The following HRH2 variants were observed in gnomAD, a reference collection of about 807,000 sequenced individuals.
The protein encoded by HRH2 is histamine receptor H2, also known as histamine H2 receptor.
Under a neutral mutation model 20.1 loss-of-function variants are expected in HRH2, and 4 were observed. That is an observed-to-expected ratio of 0.20 (90% confidence interval 0.10 to 0.45). The LOEUF (loss-of-function observed/expected upper bound fraction) is 0.45. HRH2 is among the 20% of genes least tolerant of loss of function. The pLI, the probability that HRH2 is intolerant of heterozygous loss-of-function variation, is 0.99. For missense variants in HRH2, 250 were observed against 461.6 expected (o/e 0.54, Z 4.20); for synonymous variants, 197 against 200.7 (o/e 0.98, Z 0.16).
In HRH2 at chr5:175,708,576, C is replaced by G. The variant is rs898117480; in HGVS notation, c.*605C>G. The stretch of plus-strand genomic sequence containing the variant: ...GGCTCAGAGAAGTAAGGGACCTGCC[C>G]AAGGCCACTCAGCACCTAGAAAGTG... On this transcript the variant is annotated 3_prime_UTR_variant, in exon 3 of 3. Transcript: ENST00000636584. The G allele has an allele frequency of 6.6e-6, 1 of 152,352 alleles. No homozygotes were observed. The highest frequency in any genetic ancestry group is 1.5e-5 in the Non-Finnish European group (1 of 68,210). 9.4% of individuals were successfully genotyped at this position (152,352 alleles called of 1,614,324 possible). A position where few individuals can be genotyped will look rare whatever the true frequency, so the allele number is the denominator to read the frequency against.
chr5:175,684,836 G>A (rs1756113435), intron 2 of HRH2, among the ~76,000 whole-genome samples: 1 of 152,162 alleles, frequency 6.6e-6, no homozygotes, highest in South Asian at 2.1e-4. Flanking sequence ...TGGGGAAAGA[G>A]GCCAGTGGAG....
chr5:175,699,719 G>A (rs534234836), intron 2 of HRH2, among the ~76,000 whole-genome samples: 31 of 152,172 alleles, frequency 2.0e-4, no homozygotes, highest in Non-Finnish European at 3.2e-4. Flanking sequence ...GACTACAGGC[G>A]CCCACCACCA....
chr5:175,676,505 C>T (rs1005973927), intron 1 of HRH2, among the ~76,000 whole-genome samples: 5 of 152,204 alleles, frequency 3.3e-5, no homozygotes, highest in African/African-American at 9.7e-5. Context: ...CAGCCCCTGC[C>T]CCAGGGCTCG....
intron 2 of HRH2, chr5:175,685,585 A>G (rs1244999656): frequency 2.1e-6 from 2 of 970,046 alleles, no homozygotes; most frequent in Non-Finnish European, 3.2e-6. Flanking sequence ...AGTTACAGAA[A>G]ATCAATGGCA....
At chr5:175,691,500 C>G (rs1272945334) in intron 2 of HRH2, 1 of 152,604 alleles carries the variant, frequency 6.6e-6, no homozygotes, top group Non-Finnish European at 1.5e-5. Flanking sequence ...CTGAGCAAGT[C>G]TGAAGGCGCT....
In HRH2 at chr5:175,710,459, T is replaced by G. The variant is rs1298484545; in HGVS notation, c.*2488T>G. On this transcript the variant is annotated 3_prime_UTR_variant, in exon 3 of 3. Transcript: ENST00000636584. ...CCCTCCTTGGAAGTTTTCCCAGGAG[T>G]CTGAGGCAGGCAGGTCTCTCAGTCA... The G allele has an allele frequency of 1.3e-5, 2 of 152,168 alleles. No homozygotes were observed. The highest frequency in any genetic ancestry group is 2.4e-5 in the African/African-American group (1 of 41,410). 9.4% of individuals were successfully genotyped at this position (152,168 alleles called of 1,614,324 possible).
At chr5:175,690,564 T>A (rs1756334938) in intron 2 of HRH2, among the ~76,000 whole-genome samples, 1 of 152,206 alleles carries the variant, frequency 6.6e-6, no homozygotes, top group African/African-American at 2.4e-5. Flanking sequence ...CCTGCCTTTT[T>A]CTTTCTTTCC....
At chr5:175,698,738 C>T (rs992592703) in intron 2 of HRH2, among the ~76,000 whole-genome samples, 27 of 152,210 alleles carry the variant, frequency 1.8e-4, no homozygotes, top group African/African-American at 6.5e-4. Context: ...CTAAAGCTCC[C>T]AGACCCACAC....
At chr5:175,660,639 T>C (rs1193893221) in intron 1 of HRH2, among the ~76,000 whole-genome samples, 1 of 152,202 alleles carries the variant, frequency 6.6e-6, no homozygotes, top group Admixed American at 6.5e-5. Context: ...ATTAGTGGAC[T>C]ACCTGGCTTC....
rs999156350 is a variant in HRH2 at position 175,662,756 on chromosome 5, A to G, written c.-526+4601A>G. Among the ~76,000 whole-genome samples, 4 of 152,308 alleles carry G rather than the reference A, an allele frequency of 2.6e-5. No individual in the cohort carries two copies. The South Asian group carries it at 8.3e-4, about 32-fold the overall frequency. ...ATTCACACAGAGTTGTGCAGCCATC[A>G]CCACTATGTGATTTCAGACCATTTT... On this transcript the variant is annotated intron_variant, in intron 1 of 2. Coordinates refer to ENST00000636584, the MANE Select transcript of HRH2 (RefSeq NM_001367711.1).
In HRH2 at chr5:175,708,013, A is replaced by G. The variant is rs1369310103; in HGVS notation, c.*42A>G. 2.5e-6 allele frequency: 1 copy of G among 398,988 alleles called. No homozygotes were observed. Among genetic ancestry groups the G allele is most frequent in the Non-Finnish European group, 4.4e-6 (1 of 226,154 alleles). 24.7% of individuals were successfully genotyped at this position (398,988 alleles called of 1,614,324 possible). ...CTGAAGATACCGCTCCCGGTCCCCA[A>G]GATGTGACTCCTGGAGCTCCTAAGG... On this transcript the variant is annotated 3_prime_UTR_variant, in exon 3 of 3. Transcript: ENST00000636584.
Position 175,709,399 on chromosome 5 carries a change from G to A in HRH2, c.*1428G>A, listed in dbSNP as rs1470513585. ...AGGTTTGGTTATGAAATCACTCACA[G>A]ATTTATAACTGCAGGCTTGGCTCCT... On this transcript the variant is annotated 3_prime_UTR_variant, in exon 3 of 3. Transcript: ENST00000636584. 6.6e-6 allele frequency: 1 copy of A among 152,226 alleles called. No individual in the cohort carries two copies. The highest frequency in any genetic ancestry group is 2.4e-5 in the African/African-American group (1 of 41,450). The allele number at this position is 152,226 out of a possible 1,614,324, so 9.4% of individuals were successfully genotyped here. A position where few individuals can be genotyped will look rare whatever the true frequency, so the allele number is the denominator to read the frequency against.
chr5:175,673,061 G>C (rs2113494141), intron 1 of HRH2, among the ~76,000 whole-genome samples: 1 of 152,316 alleles, frequency 6.6e-6, no homozygotes, highest in South Asian at 2.1e-4. Context: ...TTCTGAGCCA[G>C]TGGTAAGAGC....
intron 2 of HRH2, among the ~76,000 whole-genome samples, chr5:175,691,636 G>T (rs965580329): frequency 2.0e-5 from 3 of 151,548 alleles, no homozygotes; most frequent in Non-Finnish European, 4.4e-5. Context: ...TAATACCGGC[G>T]CTTTGGGAGG....
At chr5:175,695,486 CT>C (rs1201864523) in intron 2 of HRH2, among the ~76,000 whole-genome samples, 1 of 152,202 alleles carries the variant, frequency 6.6e-6, no homozygotes, top group Non-Finnish European at 1.5e-5. Context: ...CTGTTGTCTC[CT>C]CTTCACCCTA....
chr5:175,673,090 G>A (rs1343165388), intron 1 of HRH2, among the ~76,000 whole-genome samples: 1 of 152,142 alleles, frequency 6.6e-6, no homozygotes, highest in African/African-American at 2.4e-5. Context: ...GGACAAAACT[G>A]GTGAGGTAGA....
At chr5:175,671,617 C>T (rs1007259767) in intron 1 of HRH2, among the ~76,000 whole-genome samples, 1 of 152,144 alleles carries the variant, frequency 6.6e-6, no homozygotes, top group African/African-American at 2.4e-5. Context: ...TTTGCAAACA[C>T]ACATACATAC....
chr5:175,676,394 C>T (rs1238602158), intron 1 of HRH2, among the ~76,000 whole-genome samples: 2 of 152,212 alleles, frequency 1.3e-5, no homozygotes, highest in East Asian at 1.9e-4. Context: ...TCCCAGTTCC[C>T]ACACCTGTGT....
intron 1 of HRH2, among the ~76,000 whole-genome samples, chr5:175,662,983 G>GT (rs567602918): frequency 1.1e-4 from 17 of 152,162 alleles, no homozygotes; most frequent in Non-Finnish European, 2.5e-4. Context: ...CATCCATGTT[G>GT]TTGCATGTAT....
Sources: allele counts gnomAD v4.1 joint callset (sites outside exome capture counted in the v4.1 genomes callset), GRCh38; gene constraint gnomAD v4.1.1; transcripts MANE v1.5; gene names NCBI Gene and HGNC (gene_info 2026-07-23, HGNC 2026-07-21).